The following HORMAD2 variants were observed in gnomAD, a reference collection of about 807,000 sequenced individuals.
The protein encoded by HORMAD2 is HORMA domain-containing protein 2.
HORMAD2 carries 45 observed loss-of-function variants against 38.8 expected under a neutral mutation model. The observed-to-expected ratio is 1.16, with a 90% CI of 0.91 to 1.49. The LOEUF (loss-of-function observed/expected upper bound fraction) is 1.49, where lower values mean the gene tolerates loss of function less well. HORMAD2 is among the 40% of genes most tolerant of loss of function. The pLI is 0.00. For synonymous variants in HORMAD2, 126 were observed against 122.8 expected, an observed-to-expected ratio of 1.03 and a Z score of -0.17; for missense variants, 338 against 367.0, an observed-to-expected ratio of 0.92 and a Z score of 0.65.
intron 8 of HORMAD2, among the ~76,000 whole-genome samples, chr22:30,119,875 G>A (rs912589994): frequency 6.6e-6 from 1 of 152,172 alleles, no homozygotes; most frequent in Non-Finnish European, 1.5e-5. Flanking sequence ...TCACTCCCTT[G>A]ATTATCCTTC....
At chr22:30,085,194 A>G (rs2068550137) in intron 1 of HORMAD2, among the ~76,000 whole-genome samples, 1 of 152,018 alleles carries the variant, frequency 6.6e-6, no homozygotes, top group East Asian at 1.9e-4. Context: ...CACATATTGT[A>G]TGGTTTCATT....
intron 10 of HORMAD2, among the ~76,000 whole-genome samples, chr22:30,163,793 T>G (rs1318676006): frequency 6.6e-6 from 1 of 152,178 alleles, no homozygotes; most frequent in African/African-American, 2.4e-5. Flanking sequence ...TGGTAAAATA[T>G]ACATAATATA....
the HORMAD2 span, chr22:30,192,228 G>A: frequency 6.6e-6 from 1 of 152,324 alleles, no homozygotes; most frequent in South Asian, 2.1e-4. Context: ...GCAGCAATAA[G>A]CCCTGAAGAG....
At chr22:30,128,237 A>C (rs940232127) in intron 10 of HORMAD2, among the ~76,000 whole-genome samples, 1 of 152,190 alleles carries the variant, frequency 6.6e-6, no homozygotes, top group Non-Finnish European at 1.5e-5. Flanking sequence ...AAGTAATTTA[A>C]AAACCAATGG....
At chr22:30,152,923 T>TCATCC (rs1485551549) in intron 10 of HORMAD2, among the ~76,000 whole-genome samples, 2 of 152,150 alleles carry the variant, frequency 1.3e-5, no homozygotes, top group African/African-American at 4.8e-5. Context: ...TGAGCCCTGA[T>TCATCC]CATCCCCAAG....
chr22:30,084,025 T>A (rs909358666), intron 1 of HORMAD2, among the ~76,000 whole-genome samples: 2 of 152,060 alleles, frequency 1.3e-5, no homozygotes, highest in African/African-American at 2.4e-5. Context: ...ACTTGTTGAG[T>A]TTTAGTCTCA....
intron 10 of HORMAD2, among the ~76,000 whole-genome samples, chr22:30,164,914 T>TAATA (rs535302143): frequency 2.6e-5 from 4 of 152,256 alleles, no homozygotes; most frequent in Non-Finnish European, 5.9e-5. Context: ...GCCTTCTTGA[T>TAATA]AATAGCATCC....
chr22:30,103,364 C>G, intron 3 of HORMAD2, 73 bp from the exon 4 acceptor site: 1 of 808,588 alleles, frequency 1.2e-6, no homozygotes, highest in Non-Finnish European at 2.1e-6. Flanking sequence ...AGGAAATACC[C>G]TATTTAGCAT....
intron 10 of HORMAD2, among the ~76,000 whole-genome samples, chr22:30,148,880 C>T (rs1200826966): frequency 1.3e-5 from 2 of 152,080 alleles, no homozygotes; most frequent in African/African-American, 4.8e-5. Context: ...TGACGGGTGC[C>T]TGTAGTCCCA....
At chr22:30,206,809 T>C in the HORMAD2 span, among the ~76,000 whole-genome samples, 3 of 152,194 alleles carry the variant, frequency 2.0e-5, no homozygotes, top group Non-Finnish European at 4.4e-5. Context: ...ATTCTGACCA[T>C]GGAGCCAGAA....
At chr22:30,120,951 A>G (rs890393829) in intron 8 of HORMAD2, among the ~76,000 whole-genome samples, 6 of 143,894 alleles carry the variant, frequency 4.2e-5, no homozygotes, top group Admixed American at 1.4e-4. Flanking sequence ...TTGTGAAAGG[A>G]ATTGTATACA....
chr22:30,104,443 A>AT lies in HORMAD2; in HGVS notation c.294+6_294+7insT. 6.2e-7 allele frequency: 1 copy of AT among 1,603,788 alleles called. No individual in the cohort carries two copies. The highest frequency in any genetic ancestry group is 8.5e-7 in the Non-Finnish European group (1 of 1,172,414). The stretch of plus-strand genomic sequence containing the variant: ...ATGCTTTGGAAAAGAGATACGTAAG[A>AT]ATGTTTTTACACTTACACTGGAATC... On this transcript the variant is annotated splice_region_variant and intron_variant, in intron 5 of 10. Transcript: ENST00000336726.
chr22:30,179,799 A>T (rs1926625913), downstream of HORMAD2, among the ~76,000 whole-genome samples: 1 of 152,168 alleles, frequency 6.6e-6, no homozygotes, highest in Non-Finnish European at 1.5e-5. Context: ...TAATAGGCTG[A>T]TTTACTCAGC....
chr22:30,147,069 A>G (rs1426158567), intron 10 of HORMAD2, among the ~76,000 whole-genome samples: 2 of 152,234 alleles, frequency 1.3e-5, no homozygotes, highest in Admixed American at 6.5e-5. Flanking sequence ...GATATGTACC[A>G]TATTCATGGA....
the HORMAD2 span, among the ~76,000 whole-genome samples, chr22:30,183,294 G>T: frequency 3.3e-5 from 5 of 152,182 alleles, no homozygotes; most frequent in Non-Finnish European, 7.3e-5. Flanking sequence ...TTACACTGGG[G>T]TAACCACTAT....
chr22:30,085,509 T>C (rs539001177), intron 1 of HORMAD2, among the ~76,000 whole-genome samples: 3 of 152,224 alleles, frequency 2.0e-5, no homozygotes, highest in Non-Finnish European at 4.4e-5. Flanking sequence ...ATCCCAGCAC[T>C]TTGGGAGGCC....
At chr22:30,112,042 A>G (rs546864111) in intron 6 of HORMAD2, among the ~76,000 whole-genome samples, 6 of 152,108 alleles carry the variant, frequency 3.9e-5, no homozygotes, top group South Asian at 4.1e-4. Flanking sequence ...TATCTGCTTC[A>G]TTTATTGGCT....
the HORMAD2 span, among the ~76,000 whole-genome samples, chr22:30,200,530 T>C: frequency 6.6e-5 from 10 of 152,074 alleles, no homozygotes; most frequent in African/African-American, 2.2e-4. Flanking sequence ...GTGTTTATCT[T>C]GTGTCCAGCC....
intron 3 of HORMAD2, among the ~76,000 whole-genome samples, chr22:30,099,882 C>T (rs1217722883): frequency 6.6e-6 from 1 of 152,154 alleles, no homozygotes. Context: ...AGCAAAACTT[C>T]ATCTCAGAAA....
Sources: allele counts gnomAD v4.1 joint callset (sites outside exome capture counted in the v4.1 genomes callset), GRCh38; gene constraint gnomAD v4.1.1; transcripts MANE v1.5; gene names NCBI Gene and HGNC (gene_info 2026-07-23, HGNC 2026-07-21).